The following SND1 variants were observed in gnomAD, a reference collection of about 807,000 sequenced individuals.
SND1 encodes the protein staphylococcal nuclease domain-containing protein 1.
In SND1, 38 loss-of-function variants were observed where a neutral mutation model predicts 121.7. The observed-to-expected ratio is 0.31, with a 90% CI of 0.24 to 0.41. The LOEUF is 0.41. Among genes scored for constraint, SND1 ranks in the 10% least tolerant of loss-of-function variants. The pLI, the probability that SND1 is intolerant of heterozygous loss-of-function variation, is 1.00. For synonymous variants in SND1, 401 were observed against 447.4 expected (o/e 0.90, Z 1.31); for missense variants, 868 against 1,184.6 (o/e 0.73, Z 3.92).
At chr7:127,903,081 A>G (rs1178055012) in intron 13 of SND1, among the ~76,000 whole-genome samples, 4 of 151,972 alleles carry the variant, frequency 2.6e-5, no homozygotes, top group East Asian at 1.9e-4. Context: ...ACAGGGTTTC[A>G]CCATATTGGC....
At chr7:127,778,486 C>G (rs566655400) in intron 10 of SND1, among the ~76,000 whole-genome samples, 2 of 152,166 alleles carry the variant, frequency 1.3e-5, no homozygotes, top group South Asian at 2.1e-4. Flanking sequence ...CGTGAGCCAC[C>G]GCACTCGGTC....
intron 15 of SND1, among the ~76,000 whole-genome samples, chr7:127,940,312 C>G (rs1462089309): frequency 1.3e-5 from 2 of 151,922 alleles, no homozygotes; most frequent in Non-Finnish European, 1.5e-5. Context: ...GTAGATTATT[C>G]AACACTATCT....
intron 12 of SND1, among the ~76,000 whole-genome samples, chr7:127,859,587 G>C (rs909037129): frequency 2.0e-5 from 3 of 152,162 alleles, no homozygotes; most frequent in African/African-American, 7.2e-5. Flanking sequence ...CTTGGCCCTT[G>C]ATTTCTTGAG....
chr7:127,783,749 C>A (rs1797764275), intron 10 of SND1, among the ~76,000 whole-genome samples: 2 of 152,282 alleles, frequency 1.3e-5, no homozygotes, highest in South Asian at 4.1e-4. Context: ...TTATTGAGCA[C>A]CTACTGTACC....
At chr7:128,041,657 T>C (rs1188132836) in intron 16 of SND1, among the ~76,000 whole-genome samples, 1 of 152,234 alleles carries the variant, frequency 6.6e-6, no homozygotes, top group African/African-American at 2.4e-5. Flanking sequence ...AGTTTGTTGG[T>C]TGGCTAGTTG....
At chr7:127,656,055 C>T (rs1391724393) in intron 1 of SND1, among the ~76,000 whole-genome samples, 1 of 152,156 alleles carries the variant, frequency 6.6e-6, no homozygotes, top group African/African-American at 2.4e-5. Context: ...AAAGGAATGC[C>T]TCTGCCAGTC....
intron 16 of SND1, among the ~76,000 whole-genome samples, chr7:128,062,310 G>A (rs1793244166): frequency 6.6e-6 from 1 of 152,214 alleles, no homozygotes; most frequent in Non-Finnish European, 1.5e-5. Context: ...TTAAGGACAG[G>A]TAGGAGTGAG....
At chr7:127,858,786 A>T (rs1419968) in intron 12 of SND1, among the ~76,000 whole-genome samples, 89,982 of 152,068 alleles carry the variant, frequency 0.59, 27,084 homozygotes, top group East Asian at 0.75. Flanking sequence ...TGAAACAAGT[A>T]TCTTCTGACA....
intron 12 of SND1, among the ~76,000 whole-genome samples, chr7:127,857,679 C>T (rs978286724): frequency 2.0e-5 from 3 of 151,994 alleles, no homozygotes; most frequent in African/African-American, 7.2e-5. Flanking sequence ...GGAGAGGTTC[C>T]CTCGCTTCTG....
intron 15 of SND1, among the ~76,000 whole-genome samples, chr7:127,958,444 G>GTGGCCATGCATGGTGCA (rs375735070): frequency 0.015 from 2,296 of 152,280 alleles, 81 homozygotes; most frequent in African/African-American, 0.052. Flanking sequence ...GGACTGCATA[G>GTGGCCATGCATGGTGCA]CCATGCATGG....
chr7:127,688,589 G>A (rs1267881949), intron 2 of SND1, among the ~76,000 whole-genome samples: 1 of 151,704 alleles, frequency 6.6e-6, no homozygotes, highest in African/African-American at 2.4e-5. Flanking sequence ...AGGCATGGTG[G>A]TGCATGCCTG....
chr7:127,894,394 AAAAG>A (rs1317315125), intron 13 of SND1, among the ~76,000 whole-genome samples: 5 of 151,992 alleles, frequency 3.3e-5, no homozygotes, highest in South Asian at 2.1e-4. Context: ...AAAAAAAAAA[AAAAG>A]AAGAAAGAAA....
chr7:128,028,566 C>G (rs1803548831), intron 16 of SND1: 1 of 1,006,210 alleles, frequency 9.9e-7, no homozygotes, highest in Non-Finnish European at 1.5e-6. Context: ...TTAACCAGCC[C>G]ATAGACTTAA....
chr7:127,997,342 C>T, intron 16 of SND1: 1 of 185,348 alleles, frequency 5.4e-6, no homozygotes, highest in Non-Finnish European at 1.1e-5. Flanking sequence ...CTGAAGGTCC[C>T]ACATTGACTA....
intron 14 of SND1, among the ~76,000 whole-genome samples, chr7:127,905,810 G>A (rs1375306647): frequency 1.3e-5 from 2 of 152,198 alleles, no homozygotes; most frequent in Non-Finnish European, 2.9e-5. Flanking sequence ...AGGGTAGATG[G>A]AAGGAGGAAG....
chr7:127,929,915 A>G (rs34250605), intron 15 of SND1, among the ~76,000 whole-genome samples: 9,892 of 152,256 alleles, frequency 0.065, 419 homozygotes, highest in Middle Eastern at 0.19. Context: ...TGCTGACTTA[A>G]TGTGTGTCTT....
intron 14 of SND1, among the ~76,000 whole-genome samples, chr7:127,916,903 A>G (rs1800591062): frequency 6.6e-6 from 1 of 152,162 alleles, no homozygotes; most frequent in Non-Finnish European, 1.5e-5. Context: ...AGTTTTTAGG[A>G]GTTTCGTAAC....
intron 10 of SND1, among the ~76,000 whole-genome samples, chr7:127,791,118 G>A (rs1424421810): frequency 6.7e-6 from 1 of 148,806 alleles, no homozygotes; most frequent in Non-Finnish European, 1.5e-5. Flanking sequence ...GCAGAGTATT[G>A]AATGAAATGA....
intron 1 of SND1, among the ~76,000 whole-genome samples, chr7:127,673,411 A>G (rs976789851): frequency 6.6e-6 from 1 of 152,108 alleles, no homozygotes; most frequent in Non-Finnish European, 1.5e-5. Flanking sequence ...TCCTGGGTTT[A>G]AGCAATTCTC....
Sources: allele counts gnomAD v4.1 joint callset (sites outside exome capture counted in the v4.1 genomes callset), GRCh38; gene constraint gnomAD v4.1.1; transcripts MANE v1.5; gene names NCBI Gene and HGNC (gene_info 2026-07-23, HGNC 2026-07-21).